The following DLGAP1 variants were observed in gnomAD, a reference collection of about 807,000 sequenced individuals.
DLGAP1 encodes the protein disks large-associated protein 1.
DLGAP1 carries 11 observed loss-of-function variants against 90.8 expected under a neutral mutation model. That is an observed-to-expected ratio of 0.12 (90% CI 0.08 to 0.20). DLGAP1 has a LOEUF of 0.20. Ranked by LOEUF, DLGAP1 falls within the 10% of genes least tolerant of loss-of-function variation. The probability of loss-of-function intolerance (pLI) is 1.00; values close to 1 mark genes in which losing one functional copy is unlikely to be tolerated. For missense variants in DLGAP1, 1,050 were observed against 1,333.8 expected (o/e 0.79, Z 3.31); for synonymous variants, 558 against 540.7 (o/e 1.03, Z -0.44).
At chr18:4,420,481 C>G (rs1231460526) in intron 1 of DLGAP1, among the ~76,000 whole-genome samples, 2 of 152,142 alleles carry the variant, frequency 1.3e-5, no homozygotes, top group Non-Finnish European at 2.9e-5. Flanking sequence ...CAAGTTCCTA[C>G]TTTATCTTTC....
At chr18:4,228,121 C>T (rs1397320906) in intron 1 of DLGAP1, among the ~76,000 whole-genome samples, 1 of 151,298 alleles carries the variant, frequency 6.6e-6, no homozygotes, top group East Asian at 1.9e-4. Context: ...AAAAAAAATG[C>T]CTAGTGAGAT....
intron 1 of DLGAP1, among the ~76,000 whole-genome samples, chr18:4,283,998 G>A (rs927493512): frequency 2.6e-5 from 4 of 152,156 alleles, no homozygotes; most frequent in African/African-American, 4.8e-5. Context: ...GGAAACACAC[G>A]TAAGAGCATT....
At chr18:4,099,990 C>T (rs1399509410) in intron 2 of DLGAP1, among the ~76,000 whole-genome samples, 3 of 151,566 alleles carry the variant, frequency 2.0e-5, no homozygotes, top group Non-Finnish European at 4.4e-5. Context: ...AGTGCTGGGA[C>T]TACAGGTGTA....
At chr18:3,615,172 T>C (rs1393344573) in intron 7 of DLGAP1, among the ~76,000 whole-genome samples, 1 of 152,142 alleles carries the variant, frequency 6.6e-6, no homozygotes, top group Non-Finnish European at 1.5e-5. Flanking sequence ...TCCGCCAGCC[T>C]CGGCCTCTCA....
chr18:3,838,970 T>C (rs2068554571), intron 4 of DLGAP1, among the ~76,000 whole-genome samples: 1 of 152,128 alleles, frequency 6.6e-6, no homozygotes, highest in Non-Finnish European at 1.5e-5. Context: ...GATCTGGGAG[T>C]GAAGAAAACT....
intron 3 of DLGAP1, among the ~76,000 whole-genome samples, chr18:3,911,782 T>G (rs2072040028): frequency 6.6e-6 from 1 of 152,260 alleles, no homozygotes. Flanking sequence ...CCTCTCTTAT[T>G]GCAGCTGGGC....
chr18:4,112,061 C>A (rs1287523206), intron 2 of DLGAP1, among the ~76,000 whole-genome samples: 1 of 151,730 alleles, frequency 6.6e-6, no homozygotes, highest in African/African-American at 2.4e-5. Flanking sequence ...TTAATGTAGG[C>A]ACTTACAGCT....
At chr18:3,897,826 C>T (rs961459016) in intron 3 of DLGAP1, among the ~76,000 whole-genome samples, 4 of 130,074 alleles carry the variant, frequency 3.1e-5, no homozygotes, top group South Asian at 2.4e-4. Context: ...CTCGCTCTGT[C>T]GCCCAGGCCG....
chr18:3,652,157 C>A (rs1300263004), intron 7 of DLGAP1, among the ~76,000 whole-genome samples: 1 of 119,130 alleles, frequency 8.4e-6, no homozygotes, highest in Non-Finnish European at 1.6e-5. Flanking sequence ...GAGCGAGACT[C>A]TGTATCAAAA....
intron 7 of DLGAP1, among the ~76,000 whole-genome samples, chr18:3,669,055 C>T (rs1481949693): frequency 6.6e-6 from 1 of 151,770 alleles, no homozygotes; most frequent in Non-Finnish European, 1.5e-5. Flanking sequence ...AATATTCGTA[C>T]AGCATCTTTG....
At chr18:3,694,060 C>T (rs1314724752) in intron 7 of DLGAP1, among the ~76,000 whole-genome samples, 1 of 151,162 alleles carries the variant, frequency 6.6e-6, no homozygotes, top group African/African-American at 2.4e-5. Flanking sequence ...CCAACAGGCC[C>T]CAGAGTGTGA....
At chr18:3,956,106 T>C (rs1009810015) in intron 3 of DLGAP1, among the ~76,000 whole-genome samples, 1 of 152,168 alleles carries the variant, frequency 6.6e-6, no homozygotes, top group African/African-American at 2.4e-5. Flanking sequence ...TGAGGAAAAT[T>C]GCACAAAGGC....
intron 2 of DLGAP1, among the ~76,000 whole-genome samples, chr18:4,123,448 G>A (rs1387842663): frequency 1.3e-5 from 2 of 152,102 alleles, no homozygotes; most frequent in African/African-American, 4.8e-5. Flanking sequence ...GAAAGGAAGG[G>A]CCCAATAAAG....
chr18:4,357,553 G>A (rs1194632521), intron 1 of DLGAP1, among the ~76,000 whole-genome samples: 3 of 152,062 alleles, frequency 2.0e-5, no homozygotes, highest in Non-Finnish European at 2.9e-5. Context: ...ATATATAATC[G>A]TGGCCTGAAT....
intron 2 of DLGAP1, among the ~76,000 whole-genome samples, chr18:4,064,600 T>C (rs1227144519): frequency 2.0e-5 from 3 of 151,770 alleles, no homozygotes; most frequent in Non-Finnish European, 4.4e-5. Context: ...CTAGAAGAAA[T>C]GGATAAATTC....
chr18:3,710,354 C>T lies in DLGAP1; in HGVS notation c.1591+18781G>A, dbSNP rs952678379. Among the ~76,000 whole-genome samples, 34 of 152,190 alleles carry T rather than the reference C, an allele frequency of 2.2e-4. 1 individual carries two copies. Among genetic ancestry groups the T allele is most frequent in the South Asian group, 1.9e-3 (9 of 4,834 alleles). On this transcript the variant is annotated intron_variant, in intron 7 of 12. Coordinates refer to ENST00000315677, the MANE Select transcript of DLGAP1 (RefSeq NM_004746.4). ...TTGATAGGGGCCCTACGTCATCCCC[C>T]GCCCTTTCTCCTCCACACCCAGCTT...
intron 7 of DLGAP1, chr18:3,596,860 C>A: frequency 3.8e-6 from 2 of 520,048 alleles, no homozygotes; most frequent in South Asian, 2.8e-5. Context: ...TCACCAGAGC[C>A]CCCTCGTGTT....
intron 10 of DLGAP1, among the ~76,000 whole-genome samples, chr18:3,523,801 T>C (rs952503219): frequency 1.4e-5 from 2 of 145,774 alleles, no homozygotes; most frequent in Non-Finnish European, 3.0e-5. Context: ...TGAGCTGAGA[T>C]AGCGCCACTG....
At chr18:4,176,535 T>C (rs1289602700) in intron 1 of DLGAP1, among the ~76,000 whole-genome samples, 2 of 152,206 alleles carry the variant, frequency 1.3e-5, no homozygotes, top group African/African-American at 4.8e-5. Flanking sequence ...GGAGCCTTCT[T>C]CATTTCCACT....
Sources: allele counts gnomAD v4.1 joint callset (sites outside exome capture counted in the v4.1 genomes callset), GRCh38; gene constraint gnomAD v4.1.1; transcripts MANE v1.5; gene names NCBI Gene and HGNC (gene_info 2026-07-23, HGNC 2026-07-21).